The following MEGF11 variants were observed in gnomAD, a reference collection of about 807,000 sequenced individuals.
MEGF11 encodes multiple epidermal growth factor-like domains protein 11.
A neutral mutation model predicts 146.6 loss-of-function variants in MEGF11; 126 were observed. That is an observed-to-expected ratio of 0.86 (90% CI 0.74 to 1.00). The LOEUF is 1.00. Ranked by LOEUF, MEGF11 falls within the 50% of genes least tolerant of loss-of-function variation. MEGF11 has a pLI of 0.00. For synonymous variants in MEGF11, 532 were observed against 583.4 expected (o/e 0.91, Z 1.27); for missense variants, 1,509 against 1,521.2 (o/e 0.99, Z 0.13).
intron 1 of MEGF11, among the ~76,000 whole-genome samples, chr15:66,172,394 C>A (rs1177979980): frequency 6.8e-6 from 1 of 146,678 alleles, no homozygotes; most frequent in African/African-American, 2.6e-5. Flanking sequence ...GTGGGCAGAG[C>A]TGTGTGGACA....
chr15:66,130,597 A>G (rs2088597629), intron 1 of MEGF11, among the ~76,000 whole-genome samples: 1 of 151,956 alleles, frequency 6.6e-6, no homozygotes, highest in Non-Finnish European at 1.5e-5. Flanking sequence ...TCATGAAAAG[A>G]AAGAGAGAGA....
At chr15:66,056,968 CTG>C (rs1369073921) in intron 5 of MEGF11, among the ~76,000 whole-genome samples, 4 of 152,248 alleles carry the variant, frequency 2.6e-5, no homozygotes, top group Non-Finnish European at 4.4e-5. Context: ...ACTGGCCAAT[CTG>C]TTTCAGAAAT....
chr15:66,056,186 C>T (rs2084667440), intron 5 of MEGF11, among the ~76,000 whole-genome samples: 1 of 151,752 alleles, frequency 6.6e-6, no homozygotes, highest in South Asian at 2.1e-4. Context: ...TAGTTAATGC[C>T]TTACCCAATC....
chr15:65,922,696 A>G, intron 14 of MEGF11, 127 bp downstream of exon 14: 4 of 1,298,872 alleles, frequency 3.1e-6, no homozygotes, highest in Non-Finnish European at 4.2e-6. Context: ...GGGAGAGACT[A>G]GAGGGAAGGA....
intron 1 of MEGF11, among the ~76,000 whole-genome samples, chr15:66,162,269 G>A (rs1455808420): frequency 6.6e-6 from 1 of 152,164 alleles, no homozygotes; most frequent in African/African-American, 2.4e-5. Context: ...TGATGGTCGT[G>A]AAACAACGTG....
At chr15:66,240,446 G>A (rs754277644) in intron 1 of MEGF11, among the ~76,000 whole-genome samples, 12 of 152,220 alleles carry the variant, frequency 7.9e-5, no homozygotes, top group Non-Finnish European at 1.5e-4. Flanking sequence ...CCTGTCACGC[G>A]TCTGAGGTGC....
chr15:66,169,826 G>A (rs530530020), intron 1 of MEGF11, among the ~76,000 whole-genome samples: 4 of 152,194 alleles, frequency 2.6e-5, no homozygotes, highest in African/African-American at 2.4e-5. Context: ...CAGGAGCACC[G>A]CGGCAGCCGG....
intron 2 of MEGF11, among the ~76,000 whole-genome samples, chr15:66,125,620 T>G (rs528441412): frequency 6.6e-6 from 1 of 152,284 alleles, no homozygotes; most frequent in South Asian, 2.1e-4. Flanking sequence ...GCAGTAATAT[T>G]CTCTATCTCT....
chr15:66,126,684 A>G (rs1182105968), intron 2 of MEGF11, among the ~76,000 whole-genome samples: 5 of 152,156 alleles, frequency 3.3e-5, no homozygotes, highest in African/African-American at 7.2e-5. Flanking sequence ...CAGAGACAGT[A>G]GCAGGAAGCA....
intron 1 of MEGF11, among the ~76,000 whole-genome samples, chr15:66,205,227 G>A (rs796843284): frequency 6.6e-6 from 1 of 152,220 alleles, no homozygotes; most frequent in African/African-American, 2.4e-5. Context: ...GATCACTTGA[G>A]GCTAGGAGTT....
intron 5 of MEGF11, among the ~76,000 whole-genome samples, chr15:65,983,364 G>A (rs1310570386): frequency 6.6e-6 from 1 of 152,172 alleles, no homozygotes; most frequent in African/African-American, 2.4e-5. Flanking sequence ...GCCCCAGAGA[G>A]GTCACCAAGC....
intron 1 of MEGF11, among the ~76,000 whole-genome samples, chr15:66,217,500 G>C (rs2091615683): frequency 6.6e-6 from 1 of 152,220 alleles, no homozygotes; most frequent in African/African-American, 2.4e-5. Flanking sequence ...ATGTTAAAAA[G>C]ACCCTCTGTA....
intron 4 of MEGF11, among the ~76,000 whole-genome samples, chr15:66,099,517 GATTTGT>G (rs1252225222): frequency 7.2e-5 from 11 of 152,112 alleles, no homozygotes; most frequent in African/African-American, 2.7e-4. Context: ...TGCCCTTGCT[GATTTGT>G]ATTCCAAGGC....
intron 4 of MEGF11, among the ~76,000 whole-genome samples, chr15:66,112,257 AAAG>A (rs1470083067): frequency 2.0e-5 from 3 of 152,166 alleles, no homozygotes; most frequent in African/African-American, 7.2e-5. Flanking sequence ...TAAAGCAATA[AAAG>A]AAGGAATGGA....
At chr15:65,969,983 CCTT>C (rs1349004098) in intron 8 of MEGF11, among the ~76,000 whole-genome samples, 3 of 151,342 alleles carry the variant, frequency 2.0e-5, no homozygotes, top group African/African-American at 4.9e-5. Flanking sequence ...ATCATGGCCT[CCTT>C]CTTCCCGCTG....
At chr15:65,903,321 A>C (rs868207861) in intron 24 of MEGF11, among the ~76,000 whole-genome samples, 15 of 152,344 alleles carry the variant, frequency 9.8e-5, no homozygotes, top group Middle Eastern at 3.4e-3. Context: ...AAGGAATTGA[A>C]CACGAGGCAG....
intron 2 of MEGF11, among the ~76,000 whole-genome samples, chr15:66,127,902 T>C (rs2088448499): frequency 6.6e-6 from 1 of 152,178 alleles, no homozygotes; most frequent in Non-Finnish European, 1.5e-5. Context: ...GCCACGGGGC[T>C]GCCAGTCCTG....
At chr15:66,195,200 G>A (rs973500148) in intron 1 of MEGF11, among the ~76,000 whole-genome samples, 1 of 152,112 alleles carries the variant, frequency 6.6e-6, no homozygotes, top group Non-Finnish European at 1.5e-5. Context: ...TGGATTTAGG[G>A]CCCACCCATA....
chr15:66,087,185 T>C (rs570864814), intron 5 of MEGF11, among the ~76,000 whole-genome samples: 3 of 152,162 alleles, frequency 2.0e-5, no homozygotes, highest in East Asian at 1.9e-4. Flanking sequence ...CAATTACTAA[T>C]AGACATAAGA....
Sources: allele counts gnomAD v4.1 joint callset (sites outside exome capture counted in the v4.1 genomes callset), GRCh38; gene constraint gnomAD v4.1.1; transcripts MANE v1.5; gene names NCBI Gene and HGNC (gene_info 2026-07-23, HGNC 2026-07-21).